The following METTL4 variants were observed in gnomAD, a reference collection of about 807,000 sequenced individuals.
METTL4 encodes N(6)-adenine-specific methyltransferase METTL4.
A neutral mutation model predicts 54.0 loss-of-function variants in METTL4; 40 were observed. The ratio of observed to expected loss-of-function variants is 0.74; its 90% CI spans 0.58 to 0.96. METTL4 has a LOEUF of 0.96. Among genes scored for constraint, METTL4 ranks in the 50% least tolerant of loss-of-function variants. The pLI is 0.00. For synonymous variants in METTL4, 169 were observed against 183.8 expected (o/e 0.92, Z 0.65); for missense variants, 525 against 549.0 (o/e 0.96, Z 0.44).
In METTL4 at chr18:2,550,943, T is replaced by C. The variant is rs1346191834; in HGVS notation, c.899+1752A>G. ...ACTTTGGGAGGCCGAGGCGGGCGGA[T>C]CACGAGGTCAGGAGATCGAGACCAT... On this transcript the variant is annotated intron_variant, in intron 5 of 8. Coordinates refer to ENST00000574538, the MANE Select transcript of METTL4 (RefSeq NM_022840.5). Among the ~76,000 whole-genome samples, 6 of 151,898 alleles carry C rather than the reference T, an allele frequency of 4.0e-5. No homozygotes were observed. In the East Asian group the frequency reaches 7.7e-4, roughly 20 times the overall value.
intron 5 of METTL4, among the ~76,000 whole-genome samples, chr18:2,552,021 C>T (rs28675159): frequency 0.076 from 11,585 of 151,876 alleles, 791 homozygotes; most frequent in African/African-American, 0.18. Context: ...GGTGAAACCC[C>T]GTCTCTACTA....
intron 2 of METTL4, among the ~76,000 whole-genome samples, chr18:2,565,297 C>T (rs1342102242): frequency 6.6e-6 from 1 of 151,526 alleles, no homozygotes. Context: ...AAAGGGGGAT[C>T]AACACATGAA....
chr18:2,566,390 G>T (rs2072418809), intron 2 of METTL4, among the ~76,000 whole-genome samples: 1 of 152,074 alleles, frequency 6.6e-6, no homozygotes, highest in Non-Finnish European at 1.5e-5. Context: ...CCAAGGGATA[G>T]CTCTCTAAAA....
intron 6 of METTL4, 89 bp downstream of exon 6, chr18:2,547,266 A>C (rs2072083442): frequency 9.7e-7 from 1 of 1,027,972 alleles, no homozygotes; most frequent in African/African-American, 1.6e-5. Context: ...GGAGTACAGC[A>C]GTGACATGTT....
chr18:2,566,051 AAATAAATAAAT>A lies in METTL4; in HGVS notation c.396+759_396+769del, dbSNP rs1567982929. ...GACAGAGCAAGACTCTGTCTCAAATAAATAAATAAATAAATAAATAAATAAATAAATAAATA... is the reference window on the plus strand; with the variant it reads ...GACAGAGCAAGACTCTGTCTCAAATAAAATAAATAAATAAATAAATAAATA... On this transcript the variant is annotated intron_variant, in intron 2 of 8. Coordinates refer to ENST00000574538, the MANE Select transcript of METTL4 (RefSeq NM_022840.5). Among the ~76,000 whole-genome samples the A allele has an allele frequency of 3.8e-3, 20 of 5,206 alleles. 1 individual carries two copies. The highest frequency in any genetic ancestry group is 4.4e-3 in the African/African-American group (20 of 4,592). The allele number at this position is 5,206 out of a possible 152,430, so 3.4% of individuals were successfully genotyped here. A position where few individuals can be genotyped will look rare whatever the true frequency, so the allele number is the denominator to read the frequency against.
In METTL4 at chr18:2,540,846, G is replaced by A. The variant is rs768051066; in HGVS notation, c.1274-1701C>T. 10 of 985,414 alleles carry A rather than the reference G, an allele frequency of 1.0e-5. No homozygotes were observed. The South Asian group carries it at 3.3e-4, about 32-fold the overall frequency. The allele number at this position is 985,414 out of a possible 1,614,324, so 61.0% of individuals were successfully genotyped here. A position where few individuals can be genotyped will look rare whatever the true frequency, so the allele number is the denominator to read the frequency against. ...TTTCATTTGTTCAGATTTTTGGTACGAAGATGTTAGCAACCCTATTTTAGA... is the reference window on the plus strand; with the variant it reads ...TTTCATTTGTTCAGATTTTTGGTACAAAGATGTTAGCAACCCTATTTTAGA... On this transcript the variant is annotated intron_variant, in intron 8 of 8. Coordinates refer to ENST00000574538, the MANE Select transcript of METTL4 (RefSeq NM_022840.5).
chr18:2,543,132 A>T (rs1342991702), intron 8 of METTL4, among the ~76,000 whole-genome samples: 2 of 151,218 alleles, frequency 1.3e-5, no homozygotes, highest in African/African-American at 4.9e-5. Flanking sequence ...AAAAAAAAAA[A>T]TTAAAAAAGG....
In METTL4 at chr18:2,565,905, G is replaced by A. The variant is rs191342118; in HGVS notation, c.396+916C>T. On this transcript the variant is annotated intron_variant, in intron 2 of 8. Transcript: ENST00000574538. ...TACTAAAAATACAAAAAATTAGCCA[G>A]GCGTGGTGGCAAGCGCCTGTAGTCC... is the stretch of plus-strand genomic sequence containing the variant. Among the ~76,000 whole-genome samples, 6 of 152,166 alleles carry A rather than the reference G, an allele frequency of 3.9e-5. No homozygotes were observed. In the East Asian group the frequency reaches 9.6e-4, roughly 24 times the overall value.
intron 3 of METTL4, among the ~76,000 whole-genome samples, chr18:2,560,423 AAAG>A (rs1355468397): frequency 2.0e-5 from 3 of 152,206 alleles, no homozygotes; most frequent in Admixed American, 6.5e-5. Context: ...TGGAAAGTAA[AAAG>A]AAGGAAAACT....
intron 5 of METTL4, among the ~76,000 whole-genome samples, chr18:2,549,424 G>A (rs967480045): frequency 6.6e-5 from 10 of 152,170 alleles, no homozygotes; most frequent in African/African-American, 2.4e-4. Context: ...TGGAGGGGAG[G>A]AGAGGAGAAA....
chr18:2,569,693 C>T (rs1478503678), intron 1 of METTL4, among the ~76,000 whole-genome samples: 1 of 152,182 alleles, frequency 6.6e-6, no homozygotes, highest in South Asian at 2.1e-4. Context: ...CCCTCTGCTC[C>T]GCTCCCCTCT....
intron 2 of METTL4, among the ~76,000 whole-genome samples, chr18:2,565,807 C>G (rs1345048456): frequency 6.6e-6 from 1 of 151,962 alleles, no homozygotes; most frequent in Non-Finnish European, 1.5e-5. Flanking sequence ...TGCAGTGGCT[C>G]AAGCCGAGGT....
At chr18:2,545,395 G>A (rs1023318404) in intron 6 of METTL4, among the ~76,000 whole-genome samples, 1 of 151,940 alleles carries the variant, frequency 6.6e-6, no homozygotes, top group African/African-American at 2.4e-5. Context: ...TTTCCCTTTA[G>A]TTACACGAGA....
At chr18:2,567,846 A>G (rs1239799758) in intron 1 of METTL4, among the ~76,000 whole-genome samples, 192 bp from the exon 2 acceptor site, 2 of 152,176 alleles carry the variant, frequency 1.3e-5, no homozygotes, top group African/African-American at 4.8e-5. Context: ...ACTACTACCA[A>G]TGGAGTAATA....
intron 1 of METTL4, among the ~76,000 whole-genome samples, chr18:2,567,858 G>A (rs1186805196): frequency 6.6e-6 from 1 of 152,028 alleles, no homozygotes; most frequent in Non-Finnish European, 1.5e-5. Context: ...GGAGTAATAA[G>A]GTAAAAAGAA....
At chr18:2,539,481 AAT>A (rs1567950168) in intron 8 of METTL4, among the ~76,000 whole-genome samples, 3 of 140,590 alleles carry the variant, frequency 2.1e-5, no homozygotes, top group African/African-American at 7.9e-5. Flanking sequence ...TTATTTATTT[AAT>A]TTTTTTTTTT....
chr18:2,547,325 A>T (rs1227426886), intron 6 of METTL4, 30 bp downstream of exon 6: 3 of 1,512,052 alleles, frequency 2.0e-6, no homozygotes, highest in Non-Finnish European at 2.7e-6. Flanking sequence ...ATCAAGCTGT[A>T]TTAACAAATA....
At chr18:2,570,582 T>G (rs1044516073) in intron 1 of METTL4, among the ~76,000 whole-genome samples, 5 of 152,190 alleles carry the variant, frequency 3.3e-5, no homozygotes, top group Admixed American at 2.6e-4. Flanking sequence ...GACTTTTTAT[T>G]ATCAGACGGT....
chr18:2,554,626 G>GA, intron 4 of METTL4, 43 bp downstream of exon 4: 1 of 1,563,010 alleles, frequency 6.4e-7, no homozygotes, highest in Non-Finnish European at 8.6e-7. Flanking sequence ...TCAGCCCACG[G>GA]AAAAATTATC....
Sources: allele counts gnomAD v4.1 joint callset (sites outside exome capture counted in the v4.1 genomes callset), GRCh38; gene constraint gnomAD v4.1.1; transcripts MANE v1.5; gene names NCBI Gene and HGNC (gene_info 2026-07-23, HGNC 2026-07-21).